The following KCNH8 variants were observed in gnomAD, a reference collection of about 807,000 sequenced individuals.
KCNH8 encodes voltage-gated delayed rectifier potassium channel KCNH8.
A neutral mutation model predicts 103.6 loss-of-function variants in KCNH8; 70 were observed. The ratio of observed to expected loss-of-function variants is 0.68; its 90% CI spans 0.56 to 0.82. KCNH8 has a LOEUF of 0.82. KCNH8 is among the 40% of genes least tolerant of loss of function. The pLI, the probability that KCNH8 is intolerant of heterozygous loss-of-function variation, is 0.00. For synonymous variants in KCNH8, 498 were observed against 489.4 expected, an observed-to-expected ratio of 1.02 and a Z score of -0.23; for missense variants, 1,217 against 1,329.9, an observed-to-expected ratio of 0.92 and a Z score of 1.32.
intron 11 of KCNH8, among the ~76,000 whole-genome samples, chr3:19,483,828 G>C (rs2068141322): frequency 1.3e-5 from 2 of 152,042 alleles, no homozygotes; most frequent in African/African-American, 4.8e-5. Flanking sequence ...GTTATTACTA[G>C]CTCTAAGGAG....
At chr3:19,175,623 C>T (rs904466493) in intron 1 of KCNH8, among the ~76,000 whole-genome samples, 1 of 152,128 alleles carries the variant, frequency 6.6e-6, no homozygotes, top group African/African-American at 2.4e-5. Context: ...AGTTAAAATA[C>T]TGTTTTATGA....
intron 3 of KCNH8, among the ~76,000 whole-genome samples, chr3:19,321,107 C>T (rs748770343): frequency 2.4e-4 from 36 of 151,586 alleles, no homozygotes; most frequent in Admixed American, 6.6e-4. Flanking sequence ...ATGGTCTATG[C>T]GTTTTATTTA....
At position 19,395,185 on chromosome 3, in the gene KCNH8, C is replaced by G. The variant is rs1452368907; in HGVS notation, c.1051C>G (p.His351Asp). Residue 351 changes from histidine to aspartate, a missense_variant, in exon 7 of 16, where the codon CAC (histidine) becomes GAC (aspartate). Physicochemically the swap from His to Asp is moderately conservative, Grantham distance 81. This residue lies in a region of KCNH8 where 415 missense variants were observed against 577.4 expected (regional missense o/e 0.72). Transcript: ENST00000328405. ...LLQKLDRYSQHSTIVLTLLMS... is the reference protein window; with the variant it reads ...LLQKLDRYSQDSTIVLTLLMS... Reference sequence around the variant, plus strand: ...GCAGAAGTTAGACCGCTATTCCCAACACAGTACTATCGTCCTGACTCTGCT... The same window carrying G: ...GCAGAAGTTAGACCGCTATTCCCAAGACAGTACTATCGTCCTGACTCTGCT... 1.2e-6 allele frequency: 2 copies of G among 1,611,480 alleles called. No individual in the cohort carries two copies. The highest frequency in any genetic ancestry group is 1.7e-6 in the Non-Finnish European group (2 of 1,178,740).
intron 7 of KCNH8, among the ~76,000 whole-genome samples, chr3:19,414,141 A>T (rs144514424): frequency 1.2e-4 from 19 of 152,086 alleles, no homozygotes; most frequent in Non-Finnish European, 2.5e-4. Flanking sequence ...CAGCTTAGAC[A>T]TTGCTTTAAA....
At chr3:19,262,331 T>A (rs934958841) in intron 2 of KCNH8, among the ~76,000 whole-genome samples, 1 of 151,960 alleles carries the variant, frequency 6.6e-6, no homozygotes, top group Admixed American at 6.6e-5. Flanking sequence ...TCCATTATTT[T>A]GCTTCTAATA....
chr3:19,339,397 G>A (rs887674985), intron 3 of KCNH8, among the ~76,000 whole-genome samples: 1 of 152,028 alleles, frequency 6.6e-6, no homozygotes, highest in South Asian at 2.1e-4. Context: ...CGAAATTTCT[G>A]TAGAGATTGT....
At chr3:19,506,161 A>G (rs2068688932) in intron 11 of KCNH8, among the ~76,000 whole-genome samples, 1 of 152,110 alleles carries the variant, frequency 6.6e-6, no homozygotes, top group African/African-American at 2.4e-5. Flanking sequence ...CTGGCATTTC[A>G]GCGATTTCAA....
At chr3:19,188,582 T>A (rs2063523877) in intron 1 of KCNH8, among the ~76,000 whole-genome samples, 1 of 152,062 alleles carries the variant, frequency 6.6e-6, no homozygotes, top group Admixed American at 6.6e-5. Context: ...AAATATATAC[T>A]CTTTAACAAA....
chr3:19,534,163 C>T lies in KCNH8; in HGVS notation c.*64C>T, dbSNP rs557277020. On this transcript the variant is annotated 3_prime_UTR_variant, in exon 16 of 16. Coordinates refer to ENST00000328405, the MANE Select transcript of KCNH8 (RefSeq NM_144633.3). ...CCACTGCATGACAGTTTTAGTTTGC[C>T]TTTTTGCCTCTGGTGGGCATGAAGA... 4 of 1,246,538 alleles carry T rather than the reference C, an allele frequency of 3.2e-6. No individual in the cohort carries two copies. In the East Asian group the frequency reaches 9.9e-5, roughly 31 times the overall value. The allele number at this position is 1,246,538 out of a possible 1,614,324, so 77.2% of individuals were successfully genotyped here.
Position 19,513,092 on chromosome 3 carries a change from ATCT to A in KCNH8, c.2208_2210del (p.Ser737del), listed in dbSNP as rs558659525. On this transcript the variant is annotated inframe_deletion, in exon 13 of 16. Coordinates refer to ENST00000328405, the MANE Select transcript of KCNH8 (RefSeq NM_144633.3). ...CCCTCTCTCCCATCTGCACAAGGGG[ATCT>A]TCTTCGCGCAACAAGAAGGTTGGAA... 2.8e-3 allele frequency: 4,481 copies of A among 1,613,808 alleles called. 14 individuals are homozygous for A. The highest frequency in any genetic ancestry group is 3.5e-3 in the Non-Finnish European group (4,125 of 1,179,922).
At chr3:19,355,168 C>G (rs1490318821) in intron 5 of KCNH8, among the ~76,000 whole-genome samples, 3 of 152,146 alleles carry the variant, frequency 2.0e-5, no homozygotes, top group Non-Finnish European at 4.4e-5. Context: ...AAATGCAAAT[C>G]AAAACCACAA....
intron 7 of KCNH8, among the ~76,000 whole-genome samples, chr3:19,418,615 G>GA (rs2066897726): frequency 6.6e-6 from 1 of 152,052 alleles, no homozygotes; most frequent in Non-Finnish European, 1.5e-5. Flanking sequence ...CAAAGTAAGT[G>GA]AAAAAAATGG....
intron 1 of KCNH8, among the ~76,000 whole-genome samples, chr3:19,156,161 T>C (rs1375119085): frequency 6.6e-6 from 1 of 152,168 alleles, no homozygotes; most frequent in East Asian, 1.9e-4. Context: ...GTGATAATAG[T>C]GTCTATCATC....
At chr3:19,337,542 A>C (rs1373320097) in intron 3 of KCNH8, among the ~76,000 whole-genome samples, 1 of 151,652 alleles carries the variant, frequency 6.6e-6, no homozygotes, top group Non-Finnish European at 1.5e-5. Context: ...TGAAATCTTC[A>C]CCTTTTTCAT....
At position 19,308,709 on chromosome 3, in the gene KCNH8, T is replaced by C. The variant is rs28631108; in HGVS notation, c.442+27380T>C. Among the ~76,000 whole-genome samples, 44 of 60,434 alleles carry C rather than the reference T, an allele frequency of 7.3e-4. 5 individuals carry two copies. The highest frequency in any genetic ancestry group is 2.3e-3 in the African/African-American group (24 of 10,588). 39.6% of individuals were successfully genotyped at this position (60,434 alleles called of 152,430 possible). Reference sequence around the variant, plus strand: ...CTCTCTCTCTCTCTCTCTCTCTCTCTCTCTCTCTCCCCCTCTCTCCCTCTC... The same window carrying C: ...CTCTCTCTCTCTCTCTCTCTCTCTCCCTCTCTCTCCCCCTCTCTCCCTCTC... On this transcript the variant is annotated intron_variant, in intron 3 of 15. Coordinates refer to ENST00000328405, the MANE Select transcript of KCNH8 (RefSeq NM_144633.3).
intron 3 of KCNH8, among the ~76,000 whole-genome samples, chr3:19,316,230 A>G (rs1160603042): frequency 6.6e-6 from 1 of 151,694 alleles, no homozygotes; most frequent in Non-Finnish European, 1.5e-5. Flanking sequence ...GTTGTGGGGG[A>G]CTGTCTTGTG....
At chr3:19,343,555 A>G (rs1380120084) in intron 4 of KCNH8, among the ~76,000 whole-genome samples, 3 of 152,100 alleles carry the variant, frequency 2.0e-5, no homozygotes, top group Non-Finnish European at 4.4e-5. Flanking sequence ...TTGTGTGACC[A>G]TAGGTGGCAG....
rs776819091 is a variant in KCNH8, at chr3:19,451,287, T to G, written c.1708T>G (p.Ser570Ala). Residue 570 changes from serine (S) to alanine (A), a missense_variant, in exon 10 of 16, where the codon TCT becomes GCT. Physicochemically the swap from Ser to Ala is moderately conservative, Grantham distance 99 (BLOSUM62 1). Around this residue, in one of 3 missense-constraint regions of KCNH8, gnomAD observed 415 missense variants for 577.4 expected, o/e 0.72. Transcript: ENST00000328405. ...GTCTCTGTCTCTACACATCAAAACC[T>G]CTTTCTGTGCTCCGGGGGAGTATCT... is the stretch of plus-strand genomic sequence containing the variant. ...LRSLSLHIKT[S>A]FCAPGEYLLR... 1 of 1,613,984 alleles carries G rather than the reference T, an allele frequency of 6.2e-7. No homozygotes were observed. The highest frequency in any genetic ancestry group is 8.5e-7 in the Non-Finnish European group (1 of 1,179,906).
chr3:19,376,722 G>A (rs2066212799), intron 5 of KCNH8, among the ~76,000 whole-genome samples: 1 of 152,184 alleles, frequency 6.6e-6, no homozygotes, highest in Non-Finnish European at 1.5e-5. Flanking sequence ...TTTCTTTGGA[G>A]GAAGCTTTGA....
Sources: allele counts gnomAD v4.1 joint callset (sites outside exome capture counted in the v4.1 genomes callset), GRCh38; gene constraint gnomAD v4.1.1; regional missense constraint gnomAD v4.1.1; transcripts MANE v1.5; gene names NCBI Gene and HGNC (gene_info 2026-07-23, HGNC 2026-07-21).